Variants in MYH1 observed in about 807,000 individuals in gnomAD.
MYH1 encodes the protein myosin heavy chain 1.
MYH1 carries 214 observed loss-of-function variants against 225.6 expected under a neutral mutation model. The ratio of observed to expected loss-of-function variants is 0.95; its 90% confidence interval spans 0.85 to 1.06. The LOEUF is 1.06. MYH1 is among the 50% of genes least tolerant of loss of function. The pLI, the probability that MYH1 is intolerant of heterozygous loss-of-function variation, is 0.00. For synonymous variants in MYH1, 774 were observed against 842.3 expected (o/e 0.92, Z 1.40); for missense variants, 2,098 against 2,344.2 (o/e 0.89, Z 2.17).
intron 28 of MYH1, among the ~76,000 whole-genome samples, chr17:10,499,347 G>A (rs1193336722): frequency 6.6e-6 from 1 of 152,176 alleles, no homozygotes; most frequent in African/African-American, 2.4e-5. Context: ...TTTGATCGTA[G>A]TCAAAATTGA....
Position 10,496,013 on chromosome 17 carries a change from G to T in MYH1, c.5106C>A (p.Ser1702Arg). The change falls in exon 35 of 40, where the codon AGC becomes AGA. Residue 1702 changes from serine to arginine, a missense_variant. Physicochemically the swap from Ser to Arg is moderately radical, Grantham distance 110 (BLOSUM62 -1). Transcript: ENST00000226207. ...GGAGCTCCTGTTCTGCGATTTTCCTGCTCCTCTCTGTCTGTTCCAGAGTGG... is the reference window on the plus strand; with the variant it reads ...GGAGCTCCTGTTCTGCGATTTTCCTTCTCCTCTCTGTCTGTTCCAGAGTGG... Reference protein sequence around the residue: ...LRATLEQTERSRKIAEQELLD... With the variant: ...LRATLEQTERRRKIAEQELLD... 1 of 1,614,052 alleles carries T rather than the reference G, an allele frequency of 6.2e-7. No homozygotes were observed. The highest frequency in any genetic ancestry group is 8.5e-7 in the Non-Finnish European group (1 of 1,180,028).
intron 22 of MYH1, among the ~76,000 whole-genome samples, chr17:10,504,317 G>A (rs2073088012): frequency 6.6e-6 from 1 of 152,190 alleles, no homozygotes; most frequent in South Asian, 2.1e-4. Flanking sequence ...CTTACAGAAA[G>A]CATTGCCATT....
chr17:10,507,496 A>G (rs1337700633), intron 17 of MYH1, among the ~76,000 whole-genome samples: 1 of 152,194 alleles, frequency 6.6e-6, no homozygotes, highest in Non-Finnish European at 1.5e-5. Flanking sequence ...ATACCAATGT[A>G]TCTTTAAGCA....
rs536586200 is a variant in MYH1 at position 10,492,480 on chromosome 17, G to A, written c.5756C>T (p.Ser1919Phe). The change falls in exon 40 of 40, where the codon TCC becomes TTC. Residue 1919 changes from serine to phenylalanine, a missense_variant. Ser to Phe is a radical substitution (Grantham distance 155). Transcript: ENST00000226207. ...CTTCACCCTCAGCTTGTTGACCTGG[G>A]ACTCAGCAATGTCAGCCCGTTCCTC... The part of the protein sequence containing the change: ...EAEERADIAE[S>F]QVNKLRVKSR... 2.5e-6 allele frequency: 4 copies of A among 1,614,120 alleles called. No homozygotes were observed. The Admixed American group carries it at 5.0e-5, about 20-fold the overall frequency.
At chr17:10,507,618 G>A (rs530439244) in intron 17 of MYH1, among the ~76,000 whole-genome samples, 2 of 152,200 alleles carry the variant, frequency 1.3e-5, no homozygotes, top group East Asian at 1.9e-4. Flanking sequence ...CCCCAGAATC[G>A]AATTTTGCCG....
Position 10,508,452 on chromosome 17 carries a change from G to A in MYH1, c.1808C>T (p.Pro603Leu). 6.2e-7 allele frequency: 1 copy of A among 1,614,170 alleles called. No homozygotes were observed. The highest frequency in any genetic ancestry group is 8.5e-7 in the Non-Finnish European group (1 of 1,180,038). ...IAGWLDKNKD[P>L]LNETVVGLYQ... is the part of the protein sequence containing the mutation. Reference sequence around the variant, plus strand: ...CAGCCCCACCACAGTCTCATTCAGGGGGTCCTTGTTCTTGTCAAGCCAGCC... The same window carrying A: ...CAGCCCCACCACAGTCTCATTCAGGAGGTCCTTGTTCTTGTCAAGCCAGCC... Residue 603 changes from proline (P) to leucine (L), a missense_variant, in exon 16 of 40, where the codon CCC (proline) becomes CTC (leucine). By Grantham distance (98) the Pro-to-Leu change is moderately conservative (BLOSUM62 -3). Transcript: ENST00000226207.
At chr17:10,496,696 C>G (rs2072998665) in intron 33 of MYH1, 147 bp from the exon 34 acceptor site, 1 of 1,307,110 alleles carries the variant, frequency 7.7e-7, no homozygotes, top group South Asian at 1.5e-5. Flanking sequence ...ATTTTCATGC[C>G]TTTGCATTTT....
chr17:10,497,511 A>G (rs1028506348), intron 31 of MYH1, 59 bp from the exon 32 acceptor site: 4 of 1,561,794 alleles, frequency 2.6e-6, no homozygotes, highest in Non-Finnish European at 3.4e-6. Flanking sequence ...GATAAAAACC[A>G]TCTATTCTAG....
rs1189218325 is a variant in MYH1, at chr17:10,499,020, G to A, written c.3938C>T (p.Thr1313Ile). The change falls in exon 29 of 40, where the codon ACA becomes ATA. Residue 1313 changes from threonine to isoleucine, a missense_variant. By Grantham distance (89) the Thr-to-Ile change is moderately conservative. Transcript: ENST00000226207. Reference protein sequence around the residue: ...SQLSRGKQAFTQQIEELKRQL... With the variant: ...SQLSRGKQAFIQQIEELKRQL... ...CCTTTTCAGTTCCTCAATCTGTTGT[G>A]TAAAGGCTTGTTTGCCCCTCGAGAG... is the stretch of plus-strand genomic sequence containing the variant. 4 of 1,614,114 alleles carry A rather than the reference G, an allele frequency of 2.5e-6. No individual in the cohort carries two copies. In the Admixed American group the frequency reaches 5.0e-5, roughly 20 times the overall value.
intron 6 of MYH1, among the ~76,000 whole-genome samples, chr17:10,514,393 G>A (rs2073205006): frequency 6.6e-6 from 1 of 152,236 alleles, no homozygotes; most frequent in Admixed American, 6.5e-5. Context: ...CTGAAAAGCA[G>A]CTACTCAGCA....
rs761490755 is a variant in MYH1, at chr17:10,492,564, T to A, written c.5672A>T (p.Glu1891Val). The change falls in exon 40 of 40, where the codon GAA becomes GTA. Residue 1891 changes from glutamate (E) to valine (V), a missense_variant. Physicochemically the swap from Glu to Val is moderately radical, Grantham distance 121 (BLOSUM62 -2). Transcript: ENST00000226207. The part of the protein sequence containing the change: ...SYKRQAEEAE[E>V]QSNVNLSKFR... ...TTTGGAGAGGTTGACGTTGGATTGTTCCTCCTGTGAATGGAAATCCATTTA... is the reference window on the plus strand; with the variant it reads ...TTTGGAGAGGTTGACGTTGGATTGTACCTCCTGTGAATGGAAATCCATTTA... 1.6e-5 allele frequency: 26 copies of A among 1,609,880 alleles called. No homozygotes were observed. Among genetic ancestry groups the A allele is most frequent in the Non-Finnish European group, 2.1e-5 (25 of 1,178,744 alleles).
In MYH1 at chr17:10,504,858, C is replaced by T; in HGVS notation, c.2643G>A (p.Met881Ile). ...EAKRKELEEK[M>I]VTLMQEKNDL... ...CATTTTTTTCTTGCATCAGAGTAACCATTTTTTCTTCCAGCTCTTTCCTTT... is the reference window on the plus strand; with the variant it reads ...CATTTTTTTCTTGCATCAGAGTAACTATTTTTTCTTCCAGCTCTTTCCTTT... The change falls in exon 22 of 40, where the codon ATG (methionine) becomes ATA (isoleucine). Residue 881 changes from methionine to isoleucine, a missense_variant. Transcript: ENST00000226207. 1 of 1,614,092 alleles carries T rather than the reference C, an allele frequency of 6.2e-7. No individual in the cohort carries two copies. Among genetic ancestry groups the T allele is most frequent in the Non-Finnish European group, 8.5e-7 (1 of 1,180,016 alleles).
rs1388317157 is a variant in MYH1 at position 10,496,358 on chromosome 17, AATGGC to A, written c.4843_4847del (p.Ala1615Ter). The A allele has an allele frequency of 6.2e-7, 1 of 1,613,876 alleles. No homozygotes were observed. The highest frequency in any genetic ancestry group is 8.5e-7 in the Non-Finnish European group (1 of 1,180,000). On this transcript the variant is annotated frameshift_variant, in exon 34 of 40. Coordinates refer to ENST00000226207, the MANE Select transcript of MYH1 (RefSeq NM_005963.4). LOFTEE classifies it high-confidence loss of function. ...CTCCCTCCATCTTCTTCTTGAGCCT[AATGGC>A]ATCATTCCTGCTCCTGATCTCAGCA...
chr17:10,492,320 A>C lies in MYH1; in HGVS notation c.*96T>G, dbSNP rs2072941287. 2 of 1,481,752 alleles carry C rather than the reference A, an allele frequency of 1.3e-6. No homozygotes were observed. The highest frequency in any genetic ancestry group is 9.2e-7 in the Non-Finnish European group (1 of 1,091,338). The allele number at this position is 1,481,752 out of a possible 1,614,324, so 91.8% of individuals were successfully genotyped here. On this transcript the variant is annotated 3_prime_UTR_variant, in exon 40 of 40. Transcript: ENST00000226207. ...GAGACTCACAAGTTTTTGGCAGATAAATTTTTTATCTCCAAAAGTCATAAG... is the reference window on the plus strand; with the variant it reads ...GAGACTCACAAGTTTTTGGCAGATACATTTTTTATCTCCAAAAGTCATAAG...
chr17:10,517,621 C>T (rs182767559), intron 2 of MYH1, among the ~76,000 whole-genome samples: 198 of 152,194 alleles, frequency 1.3e-3, no homozygotes, highest in African/African-American at 4.4e-3. Context: ...CCCATTGAAA[C>T]TATGTTGACT....
chr17:10,511,128 A>G (rs1235333048), intron 14 of MYH1, among the ~76,000 whole-genome samples: 1 of 151,630 alleles, frequency 6.6e-6, no homozygotes, highest in African/African-American at 2.4e-5. Flanking sequence ...TCCAGTTTCA[A>G]TCAGTCCGTA....
At chr17:10,493,010 G>A (rs770173132) in intron 39 of MYH1, among the ~76,000 whole-genome samples, 1 of 152,066 alleles carries the variant, frequency 6.6e-6, no homozygotes, top group Non-Finnish European at 1.5e-5. Context: ...TAGAAATTAA[G>A]CAAGAAGTTT....
chr17:10,508,076 T>C (rs2073132839), intron 16 of MYH1, 120 bp from the exon 17 acceptor site: 11 of 835,870 alleles, frequency 1.3e-5, no homozygotes, highest in Admixed American at 2.6e-5. Flanking sequence ...TGGAGTGCAG[T>C]GGCGTGATCT....
intron 39 of MYH1, 75 bp from the exon 40 acceptor site, chr17:10,492,643 T>C: frequency 7.0e-7 from 1 of 1,437,306 alleles, no homozygotes; most frequent in Non-Finnish European, 9.4e-7. Context: ...ATCTTGAATT[T>C]CCTTTTTACT....
Sources: allele counts gnomAD v4.1 joint callset (sites outside exome capture counted in the v4.1 genomes callset), GRCh38; gene constraint gnomAD v4.1.1; transcripts MANE v1.5; gene names NCBI Gene and HGNC (gene_info 2026-07-23, HGNC 2026-07-21).